SAMD4B: variants seen among roughly 807,000 people sequenced by gnomAD.
The protein encoded by SAMD4B is sterile alpha motif domain containing 4B, also known as protein Smaug homolog 2.
Under a neutral mutation model 74.5 loss-of-function variants are expected in SAMD4B, and 5 were observed. That is an observed-to-expected ratio of 0.07 (90% CI 0.04 to 0.14). The LOEUF is 0.14. Ranked by LOEUF, SAMD4B falls within the 10% of genes least tolerant of loss-of-function variation. The probability of loss-of-function intolerance (pLI) is 1.00; values close to 1 mark genes in which losing one functional copy is unlikely to be tolerated. For missense variants in SAMD4B, 608 were observed against 921.8 expected, an observed-to-expected ratio of 0.66 and a Z score of 4.41; for synonymous variants, 373 against 374.9, an observed-to-expected ratio of 1.00 and a Z score of 0.06.
intron 1 of SAMD4B, among the ~76,000 whole-genome samples, chr19:39,347,159 C>G (rs2145201562): frequency 6.6e-6 from 1 of 152,298 alleles, no homozygotes; most frequent in Middle Eastern, 3.4e-3. Context: ...TTTTCTCAGT[C>G]ATCTCCTCCC....
At chr19:39,388,789 A>G (rs1343133627), downstream of SAMD4B, 1 of 1,614,138 alleles carries the variant, frequency 6.2e-7, no homozygotes, top group Admixed American at 1.7e-5. Flanking sequence ...CATCATCTCC[A>G]ACGCAGCTGC....
At position 39,385,209 on chromosome 19, in the gene SAMD4B, T is replaced by A; in HGVS notation, c.*1682T>A. Reference sequence around the variant, plus strand: ...TCTGTGCCTTTGCTCATCCCCTCAATCTCCCAGGGCTTCTCCAGTCCCCCT... The same window carrying A: ...TCTGTGCCTTTGCTCATCCCCTCAAACTCCCAGGGCTTCTCCAGTCCCCCT... On this transcript the variant is annotated 3_prime_UTR_variant, in exon 14 of 14. Transcript: ENST00000610417. 9.4e-5 allele frequency: 18 copies of A among 192,430 alleles called. No homozygotes were observed. Among genetic ancestry groups the A allele is most frequent in the Non-Finnish European group, 1.7e-4 (16 of 95,578 alleles). The allele number at this position is 192,430 out of a possible 1,614,324, so 11.9% of individuals were successfully genotyped here.
Position 39,356,693 on chromosome 19 carries a change from C to G in SAMD4B, c.-201C>G, listed in dbSNP as rs2076361013. ...CCCCTTTGCTTCCTTTTTCAGGAAA[C>G]TGGAGAGGCGTGGCTGGACCAAGAC... On this transcript the variant is annotated 5_prime_UTR_variant, in exon 3 of 14. Transcript: ENST00000610417. The G allele has an allele frequency of 2.0e-6, 1 of 497,306 alleles. No individual in the cohort carries two copies. The allele number at this position is 497,306 out of a possible 1,614,324, so 30.8% of individuals were successfully genotyped here.
At chr19:39,389,841 T>C, downstream of SAMD4B, 1 of 1,582,462 alleles carries the variant, frequency 6.3e-7, no homozygotes, top group African/African-American at 1.3e-5. The surrounding 1 kb of genome is among the most constrained non-coding windows in gnomAD (Gnocchi z 5.3). Flanking sequence ...GCGGAGCTTC[T>C]CTGGGGAGGA....
At chr19:39,357,188 C>T (rs948236077) in intron 3 of SAMD4B, 99 bp downstream of exon 3, 60 of 1,119,368 alleles carry the variant, frequency 5.4e-5, no homozygotes, top group Admixed American at 2.1e-4. Context: ...GACTAAAAAA[C>T]GTGGGTTCTA....
intron 3 of SAMD4B, 60 bp from the exon 4 acceptor site, chr19:39,369,595 C>A: frequency 1.4e-6 from 2 of 1,386,202 alleles, no homozygotes; most frequent in Non-Finnish European, 1.0e-6. Flanking sequence ...GCAGTGCTCT[C>A]AGGTGAATAG....
intron 3 of SAMD4B, among the ~76,000 whole-genome samples, chr19:39,367,794 C>T (rs540929139): frequency 2.4e-4 from 36 of 147,514 alleles, no homozygotes; most frequent in African/African-American, 8.9e-4. Context: ...CAGGCGTGAG[C>T]CACCACGCCC....
chr19:39,360,347 ATGAAT>A (rs1337347350), intron 3 of SAMD4B, among the ~76,000 whole-genome samples: 5 of 152,190 alleles, frequency 3.3e-5, no homozygotes, highest in South Asian at 2.1e-4. Flanking sequence ...GTGCTGTGAA[ATGAAT>A]TGAATGATGA....
At chr19:39,388,154 T>C (rs1311096376), downstream of SAMD4B, among the ~76,000 whole-genome samples, 1 of 152,118 alleles carries the variant, frequency 6.6e-6, no homozygotes, top group Admixed American at 6.5e-5. Flanking sequence ...AAAAAAGATT[T>C]TTTTTCTGGC....
At position 39,370,134 on chromosome 19, in the gene SAMD4B, CG is replaced by C; in HGVS notation, c.667+14del. On this transcript the variant is annotated intron_variant, in intron 4 of 13. Transcript: ENST00000610417. ...GAGCAATGCAAACACAGGTAAGTGGCGGGGGTGTCCCAGAAGGCCATGCCTA... is the reference window on the plus strand; with the variant it reads ...GAGCAATGCAAACACAGGTAAGTGGCGGGGTGTCCCAGAAGGCCATGCCTA... 1 of 1,568,166 alleles carries C rather than the reference CG, an allele frequency of 6.4e-7. No individual in the cohort carries two copies. The highest frequency in any genetic ancestry group is 8.6e-7 in the Non-Finnish European group (1 of 1,156,550).
rs559961713 is a variant in SAMD4B, at chr19:39,375,076, A to C, written c.668-574A>C. ...GAAGGTAGGAAGAAAGAGCAAGTCC[A>C]GAAGTCCTGAGGCTGGAACAACCTT... is the stretch of plus-strand genomic sequence containing the variant. On this transcript the variant is annotated intron_variant, in intron 4 of 13. Coordinates refer to ENST00000610417, the MANE Select transcript of SAMD4B (RefSeq NM_001384574.2). The surrounding 1 kb of genome is among the most constrained non-coding windows in gnomAD (Gnocchi z 4.1). Among the ~76,000 whole-genome samples, 1 of 152,302 alleles carries C rather than the reference A, an allele frequency of 6.6e-6. No homozygotes were observed. The highest frequency in any genetic ancestry group is 2.1e-4 in the South Asian group (1 of 4,824).
chr19:39,342,859 T>C (rs2075392356), intron 1 of SAMD4B, among the ~76,000 whole-genome samples: 1 of 151,558 alleles, frequency 6.6e-6, no homozygotes, highest in Admixed American at 6.6e-5. Context: ...GGGCCTCTCC[T>C]CAGGACCCCC....
chr19:39,389,349 G>T (rs775209420), downstream of SAMD4B: 1 of 1,614,038 alleles, frequency 6.2e-7, no homozygotes, highest in Non-Finnish European at 8.5e-7. This position sits in a 1 kb window ranked among gnomAD's most constrained non-coding sequence, Gnocchi z 5.3. Context: ...TCTGTCTTTC[G>T]CATCCATGGC....
downstream of SAMD4B, chr19:39,388,715 C>T (rs1225584734): frequency 6.2e-7 from 1 of 1,608,832 alleles, no homozygotes. Context: ...AGTGTGAGGA[C>T]AAGAGGCAGC....
In SAMD4B at chr19:39,375,190, G is replaced by A. The variant is rs904970918; in HGVS notation, c.668-460G>A. 5.3e-5 allele frequency among the ~76,000 whole-genome samples: 8 copies of A among 152,210 alleles called. No homozygotes were observed. The highest frequency in any genetic ancestry group is 1.2e-4 in the Non-Finnish European group (8 of 68,048). ...GGTGGGTTGTGGGAGAGGAACAGGGGCCAGGTCCTGCATGGCCTTTTAGGC... is the reference window on the plus strand; with the variant it reads ...GGTGGGTTGTGGGAGAGGAACAGGGACCAGGTCCTGCATGGCCTTTTAGGC... On this transcript the variant is annotated intron_variant, in intron 4 of 13. Transcript: ENST00000610417. The surrounding 1 kb of genome is among the most constrained non-coding windows in gnomAD (Gnocchi z 4.1).
downstream of SAMD4B, chr19:39,386,632 C>T: frequency 6.2e-7 from 1 of 1,604,176 alleles, no homozygotes; most frequent in Non-Finnish European, 8.5e-7. The surrounding 1 kb of genome is among the most constrained non-coding windows in gnomAD (Gnocchi z 6.1). Flanking sequence ...TTTTGTCCCC[C>T]TCCTCACCTA....
chr19:39,373,099 C>T (rs2077402262), intron 4 of SAMD4B, among the ~76,000 whole-genome samples: 1 of 152,174 alleles, frequency 6.6e-6, no homozygotes, highest in Non-Finnish European at 1.5e-5. Flanking sequence ...CTGGGTGTCA[C>T]TGTAGCACTG....
At chr19:39,342,914 G>T (rs1177193493) in intron 1 of SAMD4B, among the ~76,000 whole-genome samples, 25 of 96,448 alleles carry the variant, frequency 2.6e-4, no homozygotes, top group Non-Finnish European at 4.0e-4. Context: ...CCGATCCCCC[G>T]TGTGCGCCCT....
At position 39,377,679 on chromosome 19, in the gene SAMD4B, C is replaced by A; in HGVS notation, c.1299C>A (p.Asp433Glu). ...CTCCCCTAGCCCACCCCGGCACAGA[C>A]AAAGGCACCGAGGCCAAGGACCCTC... ...AEPPLAHPGT[D>E]KGTEAKDPPA... The change falls in exon 8 of 14, where the codon GAC becomes GAA. Residue 433 changes from aspartate to glutamate, a missense_variant. This residue lies in a region of SAMD4B where 99 missense variants were observed against 112.1 expected (regional missense o/e 0.88). Transcript: ENST00000610417. The A allele has an allele frequency of 6.2e-7, 1 of 1,614,206 alleles. No individual in the cohort carries two copies. The highest frequency in any genetic ancestry group is 1.1e-5 in the South Asian group (1 of 91,086).
Sources: allele counts gnomAD v4.1 joint callset (sites outside exome capture counted in the v4.1 genomes callset), GRCh38; gene constraint gnomAD v4.1.1; regional missense constraint gnomAD v4.1.1; non-coding constraint Gnocchi (gnomAD v3.1); transcripts MANE v1.5; gene names NCBI Gene and HGNC (gene_info 2026-07-23, HGNC 2026-07-21).